Variants in NYAP2 observed in about 807,000 individuals in gnomAD.
The protein encoded by NYAP2 is neuronal tyrosine-phosphorylated phosphoinositide-3-kinase adapter 2.
A neutral mutation model predicts 50.4 loss-of-function variants in NYAP2; 23 were observed. The ratio of observed to expected loss-of-function variants is 0.46; its 90% CI spans 0.33 to 0.65. The LOEUF is 0.65. Among genes scored for constraint, NYAP2 ranks in the 30% least tolerant of loss-of-function variants. The pLI is 0.02. For missense variants in NYAP2, 885 were observed against 861.0 expected, an observed-to-expected ratio of 1.03 and a Z score of -0.35; for synonymous variants, 394 against 365.2, an observed-to-expected ratio of 1.08 and a Z score of -0.90.
At chr2:225,569,318 G>T (rs1421956537) in intron 4 of NYAP2, among the ~76,000 whole-genome samples, 1 of 152,204 alleles carries the variant, frequency 6.6e-6, no homozygotes, top group African/African-American at 2.4e-5. Context: ...CTCAGGGAAG[G>T]TACCAGAGAA....
At chr2:225,452,794 T>C (rs1689674694) in intron 3 of NYAP2, among the ~76,000 whole-genome samples, 1 of 152,154 alleles carries the variant, frequency 6.6e-6, no homozygotes, top group Non-Finnish European at 1.5e-5. Flanking sequence ...ACCACACACA[T>C]GCACACGTAA....
At chr2:225,411,319 T>C (rs1024265547) in intron 3 of NYAP2, among the ~76,000 whole-genome samples, 2 of 152,148 alleles carry the variant, frequency 1.3e-5, no homozygotes, top group Non-Finnish European at 2.9e-5. Flanking sequence ...GTTGTTGTTT[T>C]CTACTTTATT....
intron 4 of NYAP2, among the ~76,000 whole-genome samples, chr2:225,533,247 T>C (rs961475278): frequency 3.3e-5 from 5 of 152,240 alleles, no homozygotes; most frequent in African/African-American, 1.2e-4. Context: ...TCCAAAAATG[T>C]GGCTAACCAA....
At chr2:225,616,966 C>T (rs72978556) in intron 5 of NYAP2, among the ~76,000 whole-genome samples, 8,899 of 152,312 alleles carry the variant, frequency 0.058, 381 homozygotes, top group South Asian at 0.12. Context: ...GAGTAGCATG[C>T]AGTGTCTTTG....
intron 3 of NYAP2, among the ~76,000 whole-genome samples, chr2:225,461,402 A>G (rs1011368604): frequency 6.6e-6 from 1 of 152,262 alleles, no homozygotes; most frequent in Admixed American, 6.5e-5. Context: ...AACACTGTAC[A>G]GAAAACGAGA....
chr2:225,455,990 A>G (rs562187943), intron 3 of NYAP2, among the ~76,000 whole-genome samples: 45 of 152,352 alleles, frequency 3.0e-4, no homozygotes, highest in African/African-American at 1.1e-3. Context: ...TGGGATTTCT[A>G]GAGGCACTGG....
intron 4 of NYAP2, among the ~76,000 whole-genome samples, chr2:225,522,334 C>G (rs534307839): frequency 2.0e-5 from 3 of 152,094 alleles, no homozygotes; most frequent in Non-Finnish European, 4.4e-5. Context: ...ACAAAGCCAT[C>G]AAGAAATACT....
intron 3 of NYAP2, among the ~76,000 whole-genome samples, chr2:225,430,301 C>G (rs527821666): frequency 4.6e-5 from 7 of 152,162 alleles, no homozygotes; most frequent in African/African-American, 1.4e-4. Context: ...TAACATGAAG[C>G]CTTTCCAAAT....
At chr2:225,461,238 A>G (rs550018799) in intron 3 of NYAP2, among the ~76,000 whole-genome samples, 62 of 152,300 alleles carry the variant, frequency 4.1e-4, no homozygotes, top group African/African-American at 1.4e-3. Context: ...AGCCTGTGCC[A>G]AAAACTTTCA....
At chr2:225,408,023 G>A (rs1156799052) in intron 2 of NYAP2, among the ~76,000 whole-genome samples, 1 of 151,912 alleles carries the variant, frequency 6.6e-6, no homozygotes, top group South Asian at 2.1e-4. Context: ...ATCAGCAGGA[G>A]GTAGGAGTTA....
In NYAP2 at chr2:225,438,156, T is replaced by C. The variant is rs140254886; in HGVS notation, c.221+29055T>C. Among the ~76,000 whole-genome samples, 486 of 152,352 alleles carry C rather than the reference T, an allele frequency of 3.2e-3. 3 individuals are homozygous for C. Among genetic ancestry groups the C allele is most frequent in the African/African-American group, 0.011 (461 of 41,578 alleles). On this transcript the variant is annotated intron_variant, in intron 3 of 6. Transcript: ENST00000636099. ...CTTATCTTATGTCTCTTGGATACTT[T>C]ATTCTGCTCTGCCCAGTACCACATA... is the stretch of plus-strand genomic sequence containing the variant.
intron 3 of NYAP2, among the ~76,000 whole-genome samples, chr2:225,431,308 G>A (rs975321867): frequency 3.3e-5 from 5 of 152,232 alleles, no homozygotes; most frequent in Admixed American, 2.0e-4. Context: ...ATCAACAAAC[G>A]GTAGACCGTT....
intron 4 of NYAP2, among the ~76,000 whole-genome samples, chr2:225,577,975 A>C (rs981916216): frequency 6.6e-6 from 1 of 152,088 alleles, no homozygotes; most frequent in Admixed American, 6.6e-5. Flanking sequence ...TCTGTCACCC[A>C]GGCTGGAGTA....
intron 3 of NYAP2, among the ~76,000 whole-genome samples, chr2:225,466,608 A>G (rs910097123): frequency 6.6e-6 from 1 of 152,190 alleles, no homozygotes; most frequent in Non-Finnish European, 1.5e-5. Flanking sequence ...TTAGCACTAT[A>G]TATTTCTAAT....
chr2:225,457,815 A>G (rs1228387206), intron 3 of NYAP2, among the ~76,000 whole-genome samples: 3 of 152,206 alleles, frequency 2.0e-5, no homozygotes, highest in Non-Finnish European at 2.9e-5. Flanking sequence ...TTAATGAAAC[A>G]TTTGCTTTTC....
At chr2:225,529,643 A>G (rs1171763137) in intron 4 of NYAP2, among the ~76,000 whole-genome samples, 1 of 149,374 alleles carries the variant, frequency 6.7e-6, no homozygotes, top group Non-Finnish European at 1.5e-5. Context: ...TATTTATATA[A>G]GCATGTTCCC....
At chr2:225,654,642 C>T (rs1272596041), downstream of NYAP2, among the ~76,000 whole-genome samples, 1 of 152,046 alleles carries the variant, frequency 6.6e-6, no homozygotes, top group African/African-American at 2.4e-5. Context: ...TGAGATTGTG[C>T]CACTGCATTC....
intron 3 of NYAP2, among the ~76,000 whole-genome samples, chr2:225,459,135 T>C (rs1189051985): frequency 6.6e-6 from 1 of 152,264 alleles, no homozygotes. Flanking sequence ...ATTAAAAATC[T>C]ATGTAATATA....
chr2:225,609,518 C>T (rs1346580630), intron 5 of NYAP2, among the ~76,000 whole-genome samples: 2 of 152,076 alleles, frequency 1.3e-5, no homozygotes, highest in African/African-American at 2.4e-5. Context: ...AGCTTGGGGC[C>T]AGAAATGCAG....
Sources: allele counts gnomAD v4.1 joint callset (sites outside exome capture counted in the v4.1 genomes callset), GRCh38; gene constraint gnomAD v4.1.1; transcripts MANE v1.5; gene names NCBI Gene and HGNC (gene_info 2026-07-23, HGNC 2026-07-21).